The following C21orf91 variants were observed in gnomAD, a reference collection of about 807,000 sequenced individuals.
C21orf91 encodes protein EURL homolog.
In C21orf91, 26 loss-of-function variants were observed where a neutral mutation model predicts 32.9. The ratio of observed to expected loss-of-function variants is 0.79; its 90% CI spans 0.58 to 1.10. C21orf91 has a LOEUF of 1.10. C21orf91 is among the 50% of genes least tolerant of loss of function. The pLI, the probability that C21orf91 is intolerant of heterozygous loss-of-function variation, is 0.00. For synonymous variants in C21orf91, 126 were observed against 120.4 expected, an observed-to-expected ratio of 1.05 and a Z score of -0.31; for missense variants, 310 against 341.3, an observed-to-expected ratio of 0.91 and a Z score of 0.72.
intron 2 of C21orf91, among the ~76,000 whole-genome samples, chr21:17,806,317 A>T (rs1374505593): frequency 2.0e-5 from 3 of 152,232 alleles, no homozygotes; most frequent in Non-Finnish European, 4.4e-5. Context: ...AATAGTTGGG[A>T]GGAGAAATAA....
chr21:17,808,815 A>G (rs190055292), intron 2 of C21orf91: 2 of 152,266 alleles, frequency 1.3e-5, no homozygotes, highest in Admixed American at 1.3e-4. Context: ...CCAGGGACAG[A>G]ATGATATGGT....
chr21:17,801,165 G>T (rs2062556659), intron 2 of C21orf91, among the ~76,000 whole-genome samples: 1 of 151,874 alleles, frequency 6.6e-6, no homozygotes, highest in African/African-American at 2.4e-5. Flanking sequence ...GCCCATGAAA[G>T]ATAGATTGGA....
rs1347162567 is a variant in C21orf91 at position 17,797,018 on chromosome 21, A to G, written c.228T>C (p.Ser76=). ...CTTCATAAGTACTTTTTGAAAGCTTAGATCGAGGACAACCCTGGTTTGCAA... is the reference window on the plus strand; with the variant it reads ...CTTCATAAGTACTTTTTGAAAGCTTGGATCGAGGACAACCCTGGTTTGCAA... The part of the protein sequence containing the change: ...HLIANQGCPR[S]KLSKSTYEEV... Residue 76 remains serine, a synonymous_variant, in exon 3 of 5, where the codon TCT becomes TCC. Transcript: ENST00000284881. 2 of 1,613,002 alleles carry G rather than the reference A, an allele frequency of 1.2e-6. No homozygotes were observed. The highest frequency in any genetic ancestry group is 2.2e-5 in the South Asian group (2 of 91,046).
Position 17,818,283 on chromosome 21 carries a change from CA to C in C21orf91, c.35del (p.Leu12Ter). 2 of 1,612,250 alleles carry C rather than the reference CA, an allele frequency of 1.2e-6. No individual in the cohort carries two copies. The highest frequency in any genetic ancestry group is 1.7e-6 in the Non-Finnish European group (2 of 1,178,532). ...NEEEQFVNID[L>X]NDDNICSVCK... is the part of the protein sequence containing the mutation. Reference sequence around the variant, plus strand: ...AAACACTGCAAATGTTGTCATCATTCAAATCAATGTTTACAAACTGCTCCTC... The same window carrying C: ...AAACACTGCAAATGTTGTCATCATTCAATCAATGTTTACAAACTGCTCCTC... On this transcript the variant is annotated frameshift_variant, in exon 2 of 5. Transcript: ENST00000284881. LOFTEE classifies it high-confidence loss of function.
In C21orf91 at chr21:17,789,982, A is replaced by G. The variant is rs568778651; in HGVS notation, c.*3433T>C. The G allele has an allele frequency of 2.0e-5, 3 of 152,248 alleles. No individual in the cohort carries two copies. Among genetic ancestry groups the G allele is most frequent in the Admixed American group, 2.0e-4 (3 of 15,288 alleles). 9.4% of individuals were successfully genotyped at this position (152,248 alleles called of 1,614,324 possible). On this transcript the variant is annotated 3_prime_UTR_variant, in exon 5 of 5. Coordinates refer to ENST00000284881, the MANE Select transcript of C21orf91 (RefSeq NM_001100420.2). Reference sequence around the variant, plus strand: ...TTATCTTTGCCTTACATCTGAACAAAAAGTATTAACTTTTTTATAGCGTAT... The same window carrying G: ...TTATCTTTGCCTTACATCTGAACAAGAAGTATTAACTTTTTTATAGCGTAT...
intron 2 of C21orf91, 153 bp downstream of exon 2, chr21:17,818,038 CA>C: frequency 2.1e-6 from 1 of 479,500 alleles, no homozygotes; most frequent in Non-Finnish European, 3.6e-6. Flanking sequence ...ACTGCACCTT[CA>C]TTTCCAGAAA....
At chr21:17,793,922 G>A (rs1441004573) in intron 4 of C21orf91, among the ~76,000 whole-genome samples, 1 of 152,196 alleles carries the variant, frequency 6.6e-6, no homozygotes, top group African/African-American at 2.4e-5. Context: ...TGGACAAGAA[G>A]TGCCTGTTAG....
At chr21:17,796,241 G>A (rs1389148126) in intron 3 of C21orf91, among the ~76,000 whole-genome samples, 1 of 152,092 alleles carries the variant, frequency 6.6e-6, no homozygotes, top group Non-Finnish European at 1.5e-5. Context: ...GTCTTACAGG[G>A]ATCAGCAACA....
At position 17,793,328 on chromosome 21, in the gene C21orf91, G is replaced by T; in HGVS notation, c.*87C>A. 2.9e-6 allele frequency: 3 copies of T among 1,020,048 alleles called. No individual in the cohort carries two copies. The highest frequency in any genetic ancestry group is 2.5e-5 in the South Asian group (1 of 39,716). 63.2% of individuals were successfully genotyped at this position (1,020,048 alleles called of 1,614,324 possible). On this transcript the variant is annotated 3_prime_UTR_variant, in exon 5 of 5. Coordinates refer to ENST00000284881, the MANE Select transcript of C21orf91 (RefSeq NM_001100420.2). ...GCAAATTTAATGACCATAAAAAAACGGACCACAACTTTCTTCAAACTTCTT... is the reference window on the plus strand; with the variant it reads ...GCAAATTTAATGACCATAAAAAAACTGACCACAACTTTCTTCAAACTTCTT...
intron 2 of C21orf91, among the ~76,000 whole-genome samples, chr21:17,808,589 C>T (rs184384241): frequency 6.6e-6 from 1 of 152,190 alleles, no homozygotes; most frequent in African/African-American, 2.4e-5. Flanking sequence ...AAGCTGCAGG[C>T]ACATAACCCC....
At chr21:17,812,019 T>C (rs959104680) in intron 2 of C21orf91, among the ~76,000 whole-genome samples, 22 of 151,972 alleles carry the variant, frequency 1.4e-4, no homozygotes, top group African/African-American at 5.3e-4. Flanking sequence ...CTAGACACCC[T>C]AATAAAGTTA....
chr21:17,798,604 C>T (rs993295937), intron 2 of C21orf91, among the ~76,000 whole-genome samples: 4 of 152,134 alleles, frequency 2.6e-5, no homozygotes, highest in Non-Finnish European at 4.4e-5. Flanking sequence ...GCTCCTTGTA[C>T]TGCAATTGTG....
chr21:17,799,152 T>C (rs929002678), intron 2 of C21orf91, among the ~76,000 whole-genome samples: 2 of 152,170 alleles, frequency 1.3e-5, no homozygotes, highest in Non-Finnish European at 2.9e-5. Context: ...TTGTGGGTTT[T>C]TTAGTATTTA....
At chr21:17,809,316 G>C (rs1352200177) in intron 2 of C21orf91, among the ~76,000 whole-genome samples, 1 of 152,160 alleles carries the variant, frequency 6.6e-6, no homozygotes, top group African/African-American at 2.4e-5. Context: ...AAACTTTAAA[G>C]TATTTTCTAC....
At chr21:17,795,865 G>T (rs1028101270) in intron 3 of C21orf91, among the ~76,000 whole-genome samples, 3 of 152,090 alleles carry the variant, frequency 2.0e-5, no homozygotes, top group Non-Finnish European at 2.9e-5. Context: ...ATGAATTCTG[G>T]TATCTCCTAT....
chr21:17,801,865 C>T (rs2062564061), intron 2 of C21orf91, among the ~76,000 whole-genome samples: 1 of 151,692 alleles, frequency 6.6e-6, no homozygotes, highest in South Asian at 2.1e-4. Context: ...GGTTTCTTCT[C>T]ACTAGAGGCT....
At chr21:17,799,335 C>T (rs1334735097) in intron 2 of C21orf91, among the ~76,000 whole-genome samples, 14 of 152,022 alleles carry the variant, frequency 9.2e-5, no homozygotes, top group Admixed American at 9.2e-4. Flanking sequence ...CTTAGATGTA[C>T]CTATTGGCTC....
At chr21:17,811,746 T>C (rs2062633785) in intron 2 of C21orf91, among the ~76,000 whole-genome samples, 1 of 152,198 alleles carries the variant, frequency 6.6e-6, no homozygotes, top group Admixed American at 6.5e-5. Flanking sequence ...ATAAATGAAC[T>C]ATGACTCTGA....
At chr21:17,800,157 G>A (rs923636922) in intron 2 of C21orf91, among the ~76,000 whole-genome samples, 4 of 152,076 alleles carry the variant, frequency 2.6e-5, no homozygotes, top group African/African-American at 9.7e-5. Flanking sequence ...TATACAAGAA[G>A]ATGGTTTTAT....
Sources: allele counts gnomAD v4.1 joint callset (sites outside exome capture counted in the v4.1 genomes callset), GRCh38; gene constraint gnomAD v4.1.1; transcripts MANE v1.5; gene names NCBI Gene and HGNC (gene_info 2026-07-23, HGNC 2026-07-21).